LTBP1: variants seen among roughly 807,000 people sequenced by gnomAD.
LTBP1 encodes the protein latent transforming growth factor beta binding protein 1, also known as latent-transforming growth factor beta-binding protein 1.
Under a neutral mutation model 207.6 loss-of-function variants are expected in LTBP1, and 129 were observed. The observed-to-expected ratio is 0.62, with a 90% CI of 0.54 to 0.72. LTBP1 has a LOEUF of 0.72. Among genes scored for constraint, LTBP1 ranks in the 30% least tolerant of loss-of-function variants. LTBP1 has a pLI of 0.00. For synonymous variants in LTBP1, 963 were observed against 833.7 expected (o/e 1.16, Z -2.67); for missense variants, 2,281 against 2,217.2 (o/e 1.03, Z -0.58).
chr2:33,286,081 G>A (rs1054471881), intron 19 of LTBP1, among the ~76,000 whole-genome samples: 1 of 152,150 alleles, frequency 6.6e-6, no homozygotes, highest in African/African-American at 2.4e-5. Flanking sequence ...GATATATGCA[G>A]CTAGCCTTTT....
chr2:33,310,651 T>C (rs1302134947), intron 23 of LTBP1, among the ~76,000 whole-genome samples: 1 of 152,168 alleles, frequency 6.6e-6, no homozygotes, highest in African/African-American at 2.4e-5. Flanking sequence ...ATACCAATTA[T>C]TGTTACATTT....
intron 3 of LTBP1, among the ~76,000 whole-genome samples, chr2:33,087,084 C>CTGT (rs2078803846): frequency 1.1e-5 from 1 of 89,026 alleles, no homozygotes; most frequent in Non-Finnish European, 2.1e-5. Context: ...CTCCTTTATG[C>CTGT]TTTTTTTTTT....
intron 3 of LTBP1, 129 bp from the exon 4 acceptor site, chr2:33,110,453 G>GA (rs1572679360): frequency 5.0e-5 from 40 of 792,306 alleles, no homozygotes; most frequent in Middle Eastern, 2.6e-4. Context: ...GTATTTGAAG[G>GA]AAAAAAAATG....
At chr2:32,963,864 G>A (rs1410705075) in intron 2 of LTBP1, among the ~76,000 whole-genome samples, 1 of 152,094 alleles carries the variant, frequency 6.6e-6, no homozygotes, top group Admixed American at 6.5e-5. Flanking sequence ...GAAGCTTGAG[G>A]GCCCTGAGTT....
chr2:33,309,420 A>T lies in LTBP1; in HGVS notation c.3482-14A>T, dbSNP rs369115172. On this transcript the variant is annotated splice_polypyrimidine_tract_variant and intron_variant, in intron 22 of 33. Transcript: ENST00000404816. ...ATTTATTTAGTCTTTAAAAATTTTT[A>T]AATTGGTTTTTAGATATCAATGAAT... The T allele has an allele frequency of 3.8e-6, 6 of 1,575,010 alleles. No homozygotes were observed. The South Asian group carries it at 4.8e-5, about 13-fold the overall frequency.
At chr2:33,139,510 A>G (rs1000177763) in intron 5 of LTBP1, among the ~76,000 whole-genome samples, 5 of 152,178 alleles carry the variant, frequency 3.3e-5, no homozygotes, top group African/African-American at 9.7e-5. Flanking sequence ...GGGAAATACC[A>G]CTTCTAGCTG....
intron 19 of LTBP1, chr2:33,285,840 C>T (rs936000873): frequency 2.0e-5 from 3 of 151,676 alleles, no homozygotes; most frequent in Non-Finnish European, 2.9e-5. Flanking sequence ...TGCTTAGCTT[C>T]CAAGGTCAGA....
intron 2 of LTBP1, among the ~76,000 whole-genome samples, chr2:32,997,387 G>T (rs1461853079): frequency 1.3e-5 from 2 of 152,194 alleles, no homozygotes; most frequent in Non-Finnish European, 2.9e-5. Flanking sequence ...GGGCATGCCT[G>T]TAGTCCTAGC....
intron 3 of LTBP1, among the ~76,000 whole-genome samples, chr2:33,065,933 A>G (rs2077487398): frequency 6.6e-6 from 1 of 152,194 alleles, no homozygotes; most frequent in Admixed American, 6.5e-5. Flanking sequence ...TCGGTCTGAC[A>G]GATGAAAATA....
chr2:33,072,014 C>T (rs1181205273), intron 3 of LTBP1, among the ~76,000 whole-genome samples: 2 of 139,594 alleles, frequency 1.4e-5, no homozygotes, highest in Admixed American at 1.5e-4. Flanking sequence ...CCCACAGGTT[C>T]AGGGCTCAGT....
At chr2:33,370,479 C>T (rs2095054174) in intron 31 of LTBP1, among the ~76,000 whole-genome samples, 2 of 152,126 alleles carry the variant, frequency 1.3e-5, no homozygotes, top group South Asian at 2.1e-4. Flanking sequence ...TCTGATAAGT[C>T]CCAAGCTGCT....
intron 2 of LTBP1, among the ~76,000 whole-genome samples, chr2:32,956,770 C>T (rs1464781756): frequency 6.6e-6 from 1 of 152,138 alleles, no homozygotes; most frequent in Non-Finnish European, 1.5e-5. Flanking sequence ...GAATCACTAT[C>T]TATGACAGCT....
intron 32 of LTBP1, among the ~76,000 whole-genome samples, chr2:33,396,805 A>C (rs370024596): frequency 6.6e-6 from 1 of 152,228 alleles, no homozygotes; most frequent in African/African-American, 2.4e-5. Context: ...CCCTACTGCA[A>C]ACTCACGAAG....
intron 3 of LTBP1, among the ~76,000 whole-genome samples, chr2:33,100,079 G>C (rs769798507): frequency 6.6e-6 from 1 of 152,168 alleles, no homozygotes; most frequent in African/African-American, 2.4e-5. Context: ...AGGCAGGAGA[G>C]TTCTCCCAGG....
At chr2:33,206,696 G>C (rs2089906885) in intron 7 of LTBP1, among the ~76,000 whole-genome samples, 2 of 149,260 alleles carry the variant, frequency 1.3e-5, no homozygotes, top group African/African-American at 5.0e-5. Flanking sequence ...CCGAGATTGT[G>C]CCACTGCACT....
chr2:33,066,574 C>G (rs568841868), intron 3 of LTBP1, among the ~76,000 whole-genome samples: 2 of 152,160 alleles, frequency 1.3e-5, no homozygotes, highest in African/African-American at 2.4e-5. Flanking sequence ...AATTAGATGG[C>G]AAAGCATTGT....
intron 5 of LTBP1, among the ~76,000 whole-genome samples, chr2:33,184,781 G>GTTTTTTTTTTTTTTT (rs34063170): frequency 7.3e-6 from 1 of 136,384 alleles, no homozygotes; most frequent in Non-Finnish European, 1.6e-5. Flanking sequence ...AGTATTTTCT[G>GTTTTTTTTTTTTTTT]TTTTTTTTTT....
intron 3 of LTBP1, among the ~76,000 whole-genome samples, chr2:33,108,937 C>T (rs2080229589): frequency 6.6e-6 from 1 of 152,208 alleles, no homozygotes; most frequent in Non-Finnish European, 1.5e-5. Context: ...TGTTAAGCCT[C>T]AGGCTTTTAG....
At chr2:33,323,227 A>G (rs947997759) in intron 24 of LTBP1, among the ~76,000 whole-genome samples, 1 of 152,224 alleles carries the variant, frequency 6.6e-6, no homozygotes, top group African/African-American at 2.4e-5. Flanking sequence ...ACCCGATTTT[A>G]TAATAAAGTG....
Sources: gnomAD v4.1 joint callset for allele counts (sites outside exome capture counted in the v4.1 genomes callset) on GRCh38, gnomAD v4.1.1 for gene constraint, MANE v1.5 for transcripts, NCBI Gene and HGNC (gene_info 2026-07-23, HGNC 2026-07-21) for gene names.